The following MSN variants were observed in gnomAD, a reference collection of about 807,000 sequenced individuals.
MSN encodes moesin.
Under a neutral mutation model 48.0 loss-of-function variants are expected in MSN, and 2 were observed. The observed-to-expected ratio is 0.04, with a 90% CI of 0.02 to 0.13. The LOEUF is 0.13. MSN is among the 10% of genes least tolerant of loss of function. The pLI is 1.00. For missense variants in MSN, 267 were observed against 470.1 expected (o/e 0.57, Z 3.99); for synonymous variants, 146 against 166.9 (o/e 0.87, Z 0.97).
chrX:65,666,130 T>G (rs2070866789), upstream of MSN, among the ~76,000 whole-genome samples: 1 of 109,440 alleles, frequency 9.1e-6, no homozygotes, highest in South Asian at 3.9e-4. Context: ...TGCCTCATCC[T>G]CCCGAGTGCC....
chrX:65,733,205 C>T lies in MSN; in HGVS notation c.720C>T (p.Phe240=). The T allele has an allele frequency of 1.7e-6, 2 of 1,210,658 alleles. No individual in the cohort carries two copies. Among genetic ancestry groups the T allele is most frequent in the Non-Finnish European group, 2.2e-6 (2 of 894,568 alleles). The change falls in exon 7 of 13, where the codon TTC becomes TTT. Residue 240 remains phenylalanine, a synonymous_variant. Transcript: ENST00000360270. The part of the protein sequence containing the change: ...QNDRLTPKIG[F]PWSEIRNISF... The stretch of plus-strand genomic sequence containing the variant: ...ACAGACTAACTCCCAAGATAGGCTT[C>T]CCCTGGAGTGAAATCAGGAACATCT...
intron 1 of MSN, among the ~76,000 whole-genome samples, chrX:65,651,691 G>A (rs2070743812): frequency 9.3e-6 from 1 of 107,261 alleles, no homozygotes; most frequent in African/African-American, 3.4e-5. Context: ...GGGTTCAAGC[G>A]ATTCTCCTGC....
chrX:65,617,338 G>C (rs952567757), intron 1 of MSN, among the ~76,000 whole-genome samples: 1 of 110,542 alleles, frequency 9.0e-6, no homozygotes, highest in Admixed American at 9.6e-5. Flanking sequence ...TCTGGTCCTG[G>C]ACTTTTTTTG....
intron 1 of MSN, among the ~76,000 whole-genome samples, chrX:65,614,625 G>A (rs1244567495): frequency 5.8e-5 from 6 of 103,374 alleles, no homozygotes; most frequent in Non-Finnish European, 1.2e-4. Context: ...TTATTCTCTT[G>A]TAGCAATTGT....
chrX:65,643,634 C>G (rs957825348), intron 1 of MSN, among the ~76,000 whole-genome samples: 1 of 111,749 alleles, frequency 8.9e-6, no homozygotes, highest in African/African-American at 3.2e-5. Flanking sequence ...ATAAAACTTC[C>G]CAAGTGATTC....
intron 3 of MSN, among the ~76,000 whole-genome samples, chrX:65,728,221 A>G (rs2071586763): frequency 8.9e-6 from 1 of 112,334 alleles, no homozygotes; most frequent in Non-Finnish European, 1.9e-5. Flanking sequence ...GCTTTTCAAG[A>G]GAGGATTGGT....
chrX:65,676,973 C>T (rs754026405), intron 1 of MSN, among the ~76,000 whole-genome samples: 22 of 110,371 alleles, frequency 2.0e-4, no homozygotes, highest in Non-Finnish European at 3.4e-4. Flanking sequence ...TACAGGTGTG[C>T]GCCGCCACGC....
rs1026517360 is a variant in MSN at position 65,643,070 on chromosome X, C to A, written c.-22+54458C>A. ...AGATTAGAATTCCTCCCTCCTCTTC[C>A]CTTCTTCTGAGTCAGAGAGCTTAAA... On this transcript the variant is annotated intron_variant, in intron 1 of 3. Coordinates refer to the MSN transcript ENST00000609672. 2.7e-5 allele frequency among the ~76,000 whole-genome samples: 3 copies of A among 111,046 alleles called. No individual in the cohort carries two copies. The East Asian group carries it at 8.5e-4, about 31-fold the overall frequency.
chrX:65,599,782 G>T (rs775967424), intron 1 of MSN, among the ~76,000 whole-genome samples: 1 of 111,374 alleles, frequency 9.0e-6, no homozygotes, highest in Non-Finnish European at 1.9e-5. Flanking sequence ...AGGGCAGAGG[G>T]CATGAAAAAG....
chrX:65,648,275 AG>A (rs1187478428), intron 1 of MSN, among the ~76,000 whole-genome samples: 1 of 112,127 alleles, frequency 8.9e-6, no homozygotes, highest in African/African-American at 3.2e-5. Flanking sequence ...ACACTTTGGG[AG>A]GCGCGGTGGC....
chrX:65,699,604 C>T (rs2071280494), intron 1 of MSN, among the ~76,000 whole-genome samples: 1 of 109,784 alleles, frequency 9.1e-6, no homozygotes, highest in Admixed American at 9.7e-5. Flanking sequence ...AAAAAAATAG[C>T]TGGGTGTGGT....
Position 65,611,106 on chromosome X carries a change from C to T in MSN, c.-22+22494C>T, listed in dbSNP as rs748751288. Reference sequence around the variant, plus strand: ...TCAATGAATTTGACTACTTCAGGTACCTCATACAAGTTAAATTATACAGTT... The same window carrying T: ...TCAATGAATTTGACTACTTCAGGTATCTCATACAAGTTAAATTATACAGTT... On this transcript the variant is annotated intron_variant, in intron 1 of 3. Transcript: ENST00000609672. Among the ~76,000 whole-genome samples the T allele has an allele frequency of 6.3e-5, 7 of 110,630 alleles. No individual in the cohort carries two copies. In the South Asian group the frequency reaches 2.6e-3, roughly 42 times the overall value.
intron 11 of MSN, 63 bp from the exon 12 acceptor site, chrX:65,738,907 T>C (rs973168751): frequency 6.2e-6 from 7 of 1,130,394 alleles, no homozygotes; most frequent in African/African-American, 5.4e-5. Flanking sequence ...TCTAGGCATA[T>C]ACAGGATGCC....
chrX:65,636,913 C>T (rs142425059), intron 1 of MSN, among the ~76,000 whole-genome samples: 1 of 89,018 alleles, frequency 1.1e-5, no homozygotes, highest in Non-Finnish European at 2.2e-5. Flanking sequence ...AACCCCGTCT[C>T]TACTAAAAAT....
At chrX:65,720,845 C>T (rs1203177401) in intron 2 of MSN, among the ~76,000 whole-genome samples, 1 of 112,052 alleles carries the variant, frequency 8.9e-6, no homozygotes, top group African/African-American at 3.2e-5. Flanking sequence ...AGTCTAGGGC[C>T]TGGTGGGAAA....
At chrX:65,626,283 C>T (rs2070505550) in intron 1 of MSN, among the ~76,000 whole-genome samples, 1 of 112,223 alleles carries the variant, frequency 8.9e-6, no homozygotes, top group African/African-American at 3.2e-5. Context: ...AGTCCATTGT[C>T]TGGACTTCCT....
intron 1 of MSN, among the ~76,000 whole-genome samples, chrX:65,599,711 G>A (rs1452489646): frequency 1.8e-5 from 2 of 111,734 alleles, no homozygotes; most frequent in Admixed American, 1.9e-4. Flanking sequence ...TAGCACAAGG[G>A]GTAGGAGTGC....
intron 1 of MSN, among the ~76,000 whole-genome samples, chrX:65,641,857 G>A (rs1157521852): frequency 1.0e-4 from 11 of 108,511 alleles, no homozygotes; most frequent in South Asian, 3.9e-4. Flanking sequence ...AGTGTTGGCC[G>A]GGCGCGGTGG....
At chrX:65,681,159 C>G (rs960271706) in intron 1 of MSN, among the ~76,000 whole-genome samples, 4 of 111,373 alleles carry the variant, frequency 3.6e-5, no homozygotes, top group South Asian at 3.8e-4. Flanking sequence ...TCATCTCCCC[C>G]CCACTCCATG....
Sources: allele counts gnomAD v4.1 joint callset (sites outside exome capture counted in the v4.1 genomes callset), GRCh38; gene constraint gnomAD v4.1.1; transcripts MANE v1.5; gene names NCBI Gene and HGNC (gene_info 2026-07-23, HGNC 2026-07-21).